Variants in RLF observed in about 807,000 individuals in gnomAD.
The protein encoded by RLF is zinc finger protein Rlf.
A neutral mutation model predicts 162.9 loss-of-function variants in RLF; 7 were observed. That is an observed-to-expected ratio of 0.04 (90% CI 0.02 to 0.08). The LOEUF is 0.08. Among genes scored for constraint, RLF ranks in the 10% least tolerant of loss-of-function variants. The pLI is 1.00. For missense variants in RLF, 1,664 were observed against 2,244.7 expected (o/e 0.74, Z 5.23); for synonymous variants, 782 against 791.5 (o/e 0.99, Z 0.20).
chr1:40,164,067 G>A (rs572785672), intron 1 of RLF, among the ~76,000 whole-genome samples: 101 of 152,350 alleles, frequency 6.6e-4, no homozygotes, highest in South Asian at 2.9e-3. Flanking sequence ...TTGTGTGACA[G>A]TTCTGAAGGT....
chr1:40,213,061 C>G (rs1642883270), intron 5 of RLF, among the ~76,000 whole-genome samples: 2 of 152,138 alleles, frequency 1.3e-5, no homozygotes, highest in Admixed American at 1.3e-4. Context: ...TTTTGAAAGT[C>G]TTAATACTTC....
chr1:40,226,125 A>G (rs1421506305), intron 6 of RLF, among the ~76,000 whole-genome samples: 1 of 152,216 alleles, frequency 6.6e-6, no homozygotes, highest in African/African-American at 2.4e-5. Flanking sequence ...AATTTCGCTC[A>G]GAGACATTTA....
At chr1:40,222,767 G>T (rs1029296618) in intron 6 of RLF, 57 bp downstream of exon 6, 3 of 1,463,882 alleles carry the variant, frequency 2.0e-6, no homozygotes, top group Admixed American at 1.8e-5. Context: ...AGCATTTAGG[G>T]TTTATGTAAA....
chr1:40,229,448 CTTTTT>C (rs1005418216), intron 6 of RLF, among the ~76,000 whole-genome samples: 1,320 of 91,002 alleles, frequency 0.015, 19 homozygotes, highest in African/African-American at 0.057. Context: ...ATTCATTTAT[CTTTTT>C]TTTTTTTTTT....
chr1:40,235,786 T>C lies in RLF; in HGVS notation c.1090-6T>C, dbSNP rs1557761867. On this transcript the variant is annotated splice_polypyrimidine_tract_variant and splice_region_variant and intron_variant, in intron 7 of 7. Transcript: ENST00000372771. ...AAATAATTTTTTTATCCTCTTTTACTTACAGGCACAAGATGCTGGTCTTGG... is the reference window on the plus strand; with the variant it reads ...AAATAATTTTTTTATCCTCTTTTACCTACAGGCACAAGATGCTGGTCTTGG... 9 of 1,526,858 alleles carry C rather than the reference T, an allele frequency of 5.9e-6. No individual in the cohort carries two copies. Among genetic ancestry groups the C allele is most frequent in the Non-Finnish European group, 7.9e-6 (9 of 1,141,000 alleles). The allele number at this position is 1,526,858 out of a possible 1,614,324, so 94.6% of individuals were successfully genotyped here. A position where few individuals can be genotyped will look rare whatever the true frequency, so the allele number is the denominator to read the frequency against.
intron 1 of RLF, among the ~76,000 whole-genome samples, chr1:40,187,361 T>C (rs1642496787): frequency 1.3e-5 from 2 of 152,236 alleles, no homozygotes; most frequent in African/African-American, 4.8e-5. Flanking sequence ...ATCTTAGTTA[T>C]GTAACAGACA....
At chr1:40,201,944 T>C (rs1228790126) in intron 4 of RLF, among the ~76,000 whole-genome samples, 1 of 152,104 alleles carries the variant, frequency 6.6e-6, no homozygotes, top group Non-Finnish European at 1.5e-5. Flanking sequence ...CTCTCAGGTC[T>C]TTTGGTCGGT....
chr1:40,161,391 C>G lies in RLF; in HGVS notation c.-9C>G. 1.3e-6 allele frequency: 2 copies of G among 1,527,168 alleles called. No homozygotes were observed. Among genetic ancestry groups the G allele is most frequent in the African/African-American group, 1.4e-5 (1 of 70,538 alleles). 94.6% of individuals were successfully genotyped at this position (1,527,168 alleles called of 1,614,324 possible). A position where few individuals can be genotyped will look rare whatever the true frequency, so the allele number is the denominator to read the frequency against. ...CTTGGTTGCCTACGCGCTGGTGGGC[C>G]GTGGGAAGATGGCGGACGGAAAGGG... On this transcript the variant is annotated 5_prime_UTR_variant, in exon 1 of 8. Coordinates refer to ENST00000372771, the MANE Select transcript of RLF (RefSeq NM_012421.4). This position sits in a 1 kb window ranked among gnomAD's most constrained non-coding sequence, Gnocchi z 4.4.
chr1:40,231,290 T>C (rs1231068622), intron 6 of RLF, among the ~76,000 whole-genome samples: 1 of 152,208 alleles, frequency 6.6e-6, no homozygotes, highest in African/African-American at 2.4e-5. Flanking sequence ...GTGTTTTGTT[T>C]TTATTTTTCC....
At chr1:40,234,583 C>T (rs977853394) in intron 7 of RLF, among the ~76,000 whole-genome samples, 1 of 152,170 alleles carries the variant, frequency 6.6e-6, no homozygotes, top group African/African-American at 2.4e-5. Flanking sequence ...ATCTTTATAA[C>T]CTTAGGAGGA....
At position 40,191,181 on chromosome 1, in the gene RLF, C is replaced by T. The variant is rs61780450; in HGVS notation, c.474+328C>T. On this transcript the variant is annotated intron_variant, in intron 3 of 7. Transcript: ENST00000372771. ...CCTTCATAGCATACTTATTGGTAAC[C>T]TTCAATATACAAAACACTATTTCAT... Among the ~76,000 whole-genome samples the T allele has an allele frequency of 3.7e-3, 557 of 152,198 alleles. 13 individuals are homozygous for T. The highest frequency in any genetic ancestry group is 0.032 in the East Asian group (165 of 5,186).
At chr1:40,235,341 C>G (rs575693078) in intron 7 of RLF, among the ~76,000 whole-genome samples, 6 of 152,250 alleles carry the variant, frequency 3.9e-5, no homozygotes, top group African/African-American at 1.4e-4. Flanking sequence ...GCGTGAGCCA[C>G]CGTGCCCAGC....
Position 40,185,859 on chromosome 1 carries a change from A to C in RLF, c.238-3196A>C, listed in dbSNP as rs201264490. 3.1e-3 allele frequency among the ~76,000 whole-genome samples: 455 copies of C among 148,430 alleles called. 10 individuals carry two copies. The highest frequency in any genetic ancestry group is 0.025 in the East Asian group (127 of 5,024). On this transcript the variant is annotated intron_variant, in intron 1 of 7. Transcript: ENST00000372771. ...AAAAAAAAGCAAAAAAAAAAAAAAA[A>C]AAAAAACCACAAAGGCTGGATGCGA...
intron 5 of RLF, among the ~76,000 whole-genome samples, chr1:40,205,167 C>T (rs1317732660): frequency 6.6e-6 from 1 of 152,056 alleles, no homozygotes; most frequent in African/African-American, 2.4e-5. Context: ...AAGAGCTCTT[C>T]TTAGGTCCAG....
At chr1:40,175,508 G>A (rs1026679608) in intron 1 of RLF, among the ~76,000 whole-genome samples, 1 of 152,042 alleles carries the variant, frequency 6.6e-6, no homozygotes, top group South Asian at 2.1e-4. Flanking sequence ...AATTAGCTGG[G>A]CGTGGTGGCA....
At position 40,207,674 on chromosome 1, in the gene RLF, G is replaced by C. The variant is rs377571004; in HGVS notation, c.810+5060G>C. 8.5e-5 allele frequency among the ~76,000 whole-genome samples: 13 copies of C among 152,230 alleles called. 1 individual carries two copies. Among genetic ancestry groups the C allele is most frequent in the East Asian group, 3.9e-4 (2 of 5,190 alleles). ...CGCCCAGCCTGGAGTGCAGTGGCGT[G>C]ATCTCGGCTCACTGCAGCCTCCACC... On this transcript the variant is annotated intron_variant, in intron 5 of 7. Transcript: ENST00000372771.
intron 1 of RLF, among the ~76,000 whole-genome samples, chr1:40,169,581 AGT>A (rs1570512265): frequency 2.2e-5 from 3 of 137,474 alleles, no homozygotes; most frequent in East Asian, 4.7e-4. Context: ...GCGCCACTGC[AGT>A]CCGCAGTCCA....
At chr1:40,209,315 A>G (rs934574260) in intron 5 of RLF, among the ~76,000 whole-genome samples, 2 of 152,224 alleles carry the variant, frequency 1.3e-5, no homozygotes, top group Non-Finnish European at 2.9e-5. Context: ...TTCCTTATCT[A>G]TAAAGTAGGC....
intron 4 of RLF, among the ~76,000 whole-genome samples, chr1:40,200,224 G>C (rs574483376): frequency 1.3e-5 from 2 of 152,214 alleles, no homozygotes; most frequent in South Asian, 4.1e-4. Context: ...TTTTTGAAGT[G>C]CCTTAGGAAA....
Sources: allele counts gnomAD v4.1 joint callset (sites outside exome capture counted in the v4.1 genomes callset), GRCh38; gene constraint gnomAD v4.1.1; non-coding constraint Gnocchi (gnomAD v3.1); transcripts MANE v1.5; gene names NCBI Gene and HGNC (gene_info 2026-07-23, HGNC 2026-07-21).